SLC4A4: variants seen among roughly 807,000 people sequenced by gnomAD.
The protein encoded by SLC4A4 is electrogenic sodium bicarbonate cotransporter 1.
Under a neutral mutation model 111.5 loss-of-function variants are expected in SLC4A4, and 27 were observed. The observed-to-expected ratio is 0.24, with a 90% confidence interval of 0.18 to 0.33. SLC4A4 has a LOEUF of 0.33. Among genes scored for constraint, SLC4A4 ranks in the 10% least tolerant of loss-of-function variants. The probability of loss-of-function intolerance (pLI) is 1.00; values close to 1 mark genes in which losing one functional copy is unlikely to be tolerated. For missense variants in SLC4A4, 909 were observed against 1,315.5 expected (o/e 0.69, Z 4.78); for synonymous variants, 443 against 463.4 (o/e 0.96, Z 0.57).
chr4:71,403,633 A>C (rs1328642404), intron 7 of SLC4A4, among the ~76,000 whole-genome samples: 15 of 152,156 alleles, frequency 9.9e-5, no homozygotes, highest in Non-Finnish European at 5.9e-5. Context: ...GATGTGTTCA[A>C]GAAACAGGAA....
chr4:71,426,248 T>A (rs1436129979), intron 7 of SLC4A4, among the ~76,000 whole-genome samples: 2 of 152,046 alleles, frequency 1.3e-5, no homozygotes, highest in African/African-American at 2.4e-5. Context: ...ACCCCTCTCT[T>A]CCCATCATGG....
chr4:71,084,663 T>G (rs1204971220), intron 1 of SLC4A4, among the ~76,000 whole-genome samples: 1 of 152,056 alleles, frequency 6.6e-6, no homozygotes, highest in Non-Finnish European at 1.5e-5. Flanking sequence ...TGTTTGGTTT[T>G]TTGTCCTTGC....
In SLC4A4 at chr4:71,321,480, G is replaced by A. The variant is rs74510796; in HGVS notation, c.254-17890G>A. 9.2e-3 allele frequency among the ~76,000 whole-genome samples: 1,399 copies of A among 152,062 alleles called. 23 individuals are homozygous for A. Among genetic ancestry groups the A allele is most frequent in the African/African-American group, 0.032 (1,346 of 41,500 alleles). Reference sequence around the variant, plus strand: ...CTGGTTTTTAGGTCTTTGCTGATTAGTAGACATATGTTGCTGGTGTGCTGC... The same window carrying A: ...CTGGTTTTTAGGTCTTTGCTGATTAATAGACATATGTTGCTGGTGTGCTGC... On this transcript the variant is annotated intron_variant, in intron 3 of 25. Coordinates refer to ENST00000264485, the MANE Select transcript of SLC4A4 (RefSeq NM_001098484.3).
At chr4:71,365,029 G>A (rs897736972) in intron 6 of SLC4A4, among the ~76,000 whole-genome samples, 5 of 152,006 alleles carry the variant, frequency 3.3e-5, no homozygotes, top group African/African-American at 9.7e-5. Flanking sequence ...TTTAAATTTA[G>A]AGTATAAAGA....
At chr4:71,519,069 A>G (rs1260979656) in intron 16 of SLC4A4, among the ~76,000 whole-genome samples, 1 of 152,150 alleles carries the variant, frequency 6.6e-6, no homozygotes, top group Non-Finnish European at 1.5e-5. Context: ...TACCTTCTTC[A>G]ATGTGTCTTT....
intron 4 of SLC4A4, among the ~76,000 whole-genome samples, chr4:71,340,727 T>G (rs1021373162): frequency 3.3e-5 from 5 of 152,182 alleles, no homozygotes; most frequent in Non-Finnish European, 7.4e-5. Context: ...TTCCTAGAGC[T>G]TTGGTCTCAT....
At chr4:71,331,288 T>C (rs1462257113) in intron 3 of SLC4A4, among the ~76,000 whole-genome samples, 1 of 152,140 alleles carries the variant, frequency 6.6e-6, no homozygotes, top group Non-Finnish European at 1.5e-5. Context: ...ACACGTATGT[T>C]TATTGCGGCA....
intron 16 of SLC4A4, among the ~76,000 whole-genome samples, chr4:71,523,548 T>C (rs1302277719): frequency 6.6e-6 from 1 of 152,098 alleles, no homozygotes. Context: ...GAGAAAGCTT[T>C]TAGTGGTTGC....
intron 2 of SLC4A4, among the ~76,000 whole-genome samples, chr4:71,254,923 C>A (rs1454452830): frequency 6.6e-6 from 1 of 152,102 alleles, no homozygotes; most frequent in Non-Finnish European, 1.5e-5. Context: ...CAGAGTATGA[C>A]AAACATGAAG....
intron 1 of SLC4A4, among the ~76,000 whole-genome samples, chr4:71,226,896 ATAGT>A (rs1231877330): frequency 6.6e-5 from 10 of 151,930 alleles, no homozygotes; most frequent in East Asian, 3.9e-4. Flanking sequence ...GTCACTACAC[ATAGT>A]TAGTAGACTA....
chr4:71,111,541 T>G (rs1743088464), intron 2 of SLC4A4, among the ~76,000 whole-genome samples: 3 of 142,442 alleles, frequency 2.1e-5, no homozygotes, highest in South Asian at 4.7e-4. Context: ...TTTTTTTTTT[T>G]TTTTTTTTTT....
At chr4:71,457,690 C>T (rs1169102694) in intron 12 of SLC4A4, among the ~76,000 whole-genome samples, 2 of 152,054 alleles carry the variant, frequency 1.3e-5, no homozygotes, top group African/African-American at 4.8e-5. Context: ...TCATCCTTAC[C>T]ATCCTAAATA....
At chr4:71,146,577 G>C (rs1370911018) in intron 2 of SLC4A4, among the ~76,000 whole-genome samples, 1 of 152,110 alleles carries the variant, frequency 6.6e-6, no homozygotes, top group African/African-American at 2.4e-5. Context: ...TATTGTGTGG[G>C]AGTCTAAGTC....
intron 15 of SLC4A4, among the ~76,000 whole-genome samples, chr4:71,491,841 G>T (rs1266828923): frequency 6.6e-6 from 1 of 151,764 alleles, no homozygotes; most frequent in Non-Finnish European, 1.5e-5. Context: ...ATAGTGATTA[G>T]CCTATGGTAA....
At position 71,169,981 on chromosome 4, in the gene SLC4A4, C is replaced by T. The variant is rs139024619; in HGVS notation, c.-1-66595C>T. 1.4e-3 allele frequency among the ~76,000 whole-genome samples: 214 copies of T among 152,250 alleles called. 1 individual carries two copies. Among genetic ancestry groups the T allele is most frequent in the African/African-American group, 4.9e-3 (203 of 41,554 alleles). On this transcript the variant is annotated intron_variant, in intron 2 of 26. Transcript: ENST00000649996. The stretch of plus-strand genomic sequence containing the variant: ...TCTCTGCTCATTCACTGTGCTCTAC[C>T]GTCACCGATCTCCCTTTGTTCCTCA...
chr4:71,518,466 C>A (rs1732615894), intron 16 of SLC4A4, among the ~76,000 whole-genome samples: 2 of 152,056 alleles, frequency 1.3e-5, no homozygotes, highest in Non-Finnish European at 2.9e-5. Context: ...GGTTCTGCAG[C>A]AGGCCTGAAG....
At chr4:71,196,834 CAAAAAAAAAAAAAAAAAAAAAAAAAAAAA>C (rs71212000) in intron 1 of SLC4A4, among the ~76,000 whole-genome samples, 1 of 20,320 alleles carries the variant, frequency 4.9e-5, no homozygotes, top group Non-Finnish European at 9.9e-5. Context: ...ACTCTGTCTC[CAAAAAAAAAAAAAAAAAAAAAAAAAAAAA>C]AAAAAAAAAA....
chr4:71,459,628 A>G (rs1726632408), intron 12 of SLC4A4, among the ~76,000 whole-genome samples: 1 of 152,048 alleles, frequency 6.6e-6, no homozygotes, highest in South Asian at 2.1e-4. Context: ...GTTTTTTATA[A>G]ACAAAAAAAT....
intron 6 of SLC4A4, among the ~76,000 whole-genome samples, chr4:71,382,861 G>T (rs1718286958): frequency 6.6e-6 from 1 of 152,178 alleles, no homozygotes; most frequent in African/African-American, 2.4e-5. Context: ...ACAACTGTGG[G>T]AAAGTTCTAG....
Sources: gnomAD v4.1 joint callset for allele counts (sites outside exome capture counted in the v4.1 genomes callset) on GRCh38, gnomAD v4.1.1 for gene constraint, MANE v1.5 for transcripts, NCBI Gene and HGNC (gene_info 2026-07-23, HGNC 2026-07-21) for gene names.